Variants in JMJD1C observed in about 807,000 individuals in gnomAD.
JMJD1C encodes the protein jumonji domain-containing protein 1C.
Under a neutral mutation model 245.3 loss-of-function variants are expected in JMJD1C, and 31 were observed. The ratio of observed to expected loss-of-function variants is 0.13; its 90% CI spans 0.09 to 0.17. JMJD1C has a LOEUF of 0.17. JMJD1C is among the 10% of genes least tolerant of loss of function. JMJD1C has a pLI of 1.00. For missense variants in JMJD1C, 2,691 were observed against 3,000.2 expected (o/e 0.90, Z 2.41); for synonymous variants, 1,057 against 1,017.4 (o/e 1.04, Z -0.74).
At chr10:63,481,586 T>C (rs1953832343) in intron 1 of JMJD1C, among the ~76,000 whole-genome samples, 1 of 152,244 alleles carries the variant, frequency 6.6e-6, no homozygotes, top group African/African-American at 2.4e-5. Context: ...TTATAGATTA[T>C]CTAAATGTGG....
At position 63,234,504 on chromosome 10, in the gene JMJD1C, A is replaced by C. The variant is rs914050002; in HGVS notation, c.448-14521T>G. ...GAGAAACCTCCTCTTAAAAAAAAAA[A>C]AAAAAAAAAAAAAAAAACACCAAAA... On this transcript the variant is annotated intron_variant, in intron 3 of 25. Transcript: ENST00000399262. 9.6e-5 allele frequency among the ~76,000 whole-genome samples: 14 copies of C among 146,358 alleles called. 1 individual carries two copies. The highest frequency in any genetic ancestry group is 3.1e-4 in the African/African-American group (12 of 38,362).
At chr10:63,506,731 T>C (rs1465340317) in intron 1 of JMJD1C, among the ~76,000 whole-genome samples, 1 of 152,214 alleles carries the variant, frequency 6.6e-6, no homozygotes, top group East Asian at 1.9e-4. Flanking sequence ...CACAGAAGAA[T>C]GGTACATTTG....
intron 2 of JMJD1C, among the ~76,000 whole-genome samples, chr10:63,330,038 C>A (rs530924972): frequency 6.6e-6 from 1 of 152,266 alleles, no homozygotes; most frequent in South Asian, 2.1e-4. Flanking sequence ...GTAGCTGGGA[C>A]TACAGGCATG....
intron 2 of JMJD1C, among the ~76,000 whole-genome samples, chr10:63,295,418 G>A (rs1052691363): frequency 2.6e-5 from 4 of 151,954 alleles, no homozygotes; most frequent in Admixed American, 2.6e-4. Flanking sequence ...AATTCTGAGG[G>A]CAACCATAAG....
intron 1 of JMJD1C, among the ~76,000 whole-genome samples, chr10:63,477,439 T>C (rs1020325604): frequency 2.6e-5 from 4 of 151,552 alleles, no homozygotes; most frequent in African/African-American, 4.9e-5. Context: ...AGTCCAGAAA[T>C]AGACCCATAC....
chr10:63,178,148 C>T (rs1032509682), intron 22 of JMJD1C, among the ~76,000 whole-genome samples: 4 of 152,082 alleles, frequency 2.6e-5, no homozygotes, highest in African/African-American at 7.2e-5. Flanking sequence ...ACCATGTTGC[C>T]CAGGCTGGTC....
chr10:63,305,683 T>TGTGTGTGTGTGTGTGTGTGTG (rs71025152), intron 2 of JMJD1C, among the ~76,000 whole-genome samples: 57 of 146,490 alleles, frequency 3.9e-4, no homozygotes, highest in Non-Finnish European at 5.4e-4. Context: ...TGTGTGTGTG[T>TGTGTGTGTGTGTGTGTGTGTG]TGAAAGATCT....
At chr10:63,451,650 A>G (rs755686721) in intron 1 of JMJD1C, among the ~76,000 whole-genome samples, 2 of 152,234 alleles carry the variant, frequency 1.3e-5, no homozygotes, top group Non-Finnish European at 2.9e-5. Context: ...AGAAGTATGT[A>G]GGTTACATGC....
chr10:63,175,554 A>G (rs1385145323), intron 24 of JMJD1C, among the ~76,000 whole-genome samples: 1 of 152,214 alleles, frequency 6.6e-6, no homozygotes, highest in African/African-American at 2.4e-5. Context: ...ATACTTATAT[A>G]AAATGTGAGA....
chr10:63,200,387 A>G, intron 11 of JMJD1C, 89 bp downstream of exon 11: 1 of 940,666 alleles, frequency 1.1e-6, no homozygotes, highest in Non-Finnish European at 1.7e-6. Flanking sequence ...TTACTCCCCC[A>G]TCCAAAAGGG....
chr10:63,222,333 C>T, intron 3 of JMJD1C: 1 of 1,338,066 alleles, frequency 7.5e-7, no homozygotes, highest in Non-Finnish European at 1.1e-6. Flanking sequence ...AGTAAAGATG[C>T]ACTGCATTTG....
rs181922508 is a variant in JMJD1C, at chr10:63,355,234, G to A, written c.333+25084C>T. On this transcript the variant is annotated intron_variant, in intron 2 of 25. Transcript: ENST00000399262. Reference sequence around the variant, plus strand: ...AAAAAACAAAATCAGGGAGGCCCCTGAGGACCCATCACCTGGTTTCAAGAT... The same window carrying A: ...AAAAAACAAAATCAGGGAGGCCCCTAAGGACCCATCACCTGGTTTCAAGAT... Among the ~76,000 whole-genome samples, 3 of 152,202 alleles carry A rather than the reference G, an allele frequency of 2.0e-5. No individual in the cohort carries two copies. In the East Asian group the frequency reaches 5.8e-4, roughly 29 times the overall value.
intron 3 of JMJD1C, among the ~76,000 whole-genome samples, chr10:63,249,470 A>G (rs142461680): frequency 6.6e-6 from 1 of 152,354 alleles, no homozygotes; most frequent in African/African-American, 2.4e-5. Context: ...AATAAGACCT[A>G]TGGTTTATAG....
intron 22 of JMJD1C, among the ~76,000 whole-genome samples, chr10:63,178,279 T>C (rs1325527552): frequency 1.3e-5 from 2 of 152,182 alleles, no homozygotes; most frequent in African/African-American, 2.4e-5. Context: ...CACAGTTATA[T>C]GTTCATAACT....
chr10:63,242,294 C>G (rs950229502), intron 3 of JMJD1C, among the ~76,000 whole-genome samples: 2 of 152,140 alleles, frequency 1.3e-5, no homozygotes, highest in Non-Finnish European at 2.9e-5. Context: ...GTCCCACATA[C>G]GATTATCTGG....
At chr10:63,491,939 A>T (rs2133219934) in intron 1 of JMJD1C, among the ~76,000 whole-genome samples, 1 of 152,350 alleles carries the variant, frequency 6.6e-6, no homozygotes, top group South Asian at 2.1e-4. Context: ...ATTCTAAACT[A>T]AGAGGGGCAG....
At position 63,383,494 on chromosome 10, in the gene JMJD1C, T is replaced by G. The variant is rs7897874; in HGVS notation, c.169-3012A>C. Among the ~76,000 whole-genome samples the G allele has an allele frequency of 5.5e-3, 831 of 151,210 alleles. 9 individuals are homozygous for G. The highest frequency in any genetic ancestry group is 0.019 in the African/African-American group (800 of 41,178). On this transcript the variant is annotated intron_variant, in intron 1 of 25. Coordinates refer to ENST00000399262, the MANE Select transcript of JMJD1C (RefSeq NM_032776.3). ...TGGGAGGATCACTTAAACTCAGGAGTTCAAGACCAGCTTAGGCAACACAGT... is the reference window on the plus strand; with the variant it reads ...TGGGAGGATCACTTAAACTCAGGAGGTCAAGACCAGCTTAGGCAACACAGT...
At chr10:63,228,160 T>C (rs4622136) in intron 3 of JMJD1C, among the ~76,000 whole-genome samples, 1 of 152,148 alleles carries the variant, frequency 6.6e-6, no homozygotes, top group Non-Finnish European at 1.5e-5. Context: ...TTATGGGCCA[T>C]ACCAGTTGTC....
intron 1 of JMJD1C, chr10:63,427,362 C>G: frequency 9.7e-7 from 1 of 1,032,726 alleles, no homozygotes; most frequent in Non-Finnish European, 1.4e-6. Context: ...TCACCGCCTT[C>G]TGGCATCAGT....
Sources: gnomAD v4.1 joint callset for allele counts (sites outside exome capture counted in the v4.1 genomes callset) on GRCh38, gnomAD v4.1.1 for gene constraint, MANE v1.5 for transcripts, NCBI Gene and HGNC (gene_info 2026-07-23, HGNC 2026-07-21) for gene names.